TMTC2: variants seen among roughly 807,000 people sequenced by gnomAD.
TMTC2 encodes the protein transmembrane O-mannosyltransferase targeting cadherins 2.
A neutral mutation model predicts 82.4 loss-of-function variants in TMTC2; 43 were observed. That is an observed-to-expected ratio of 0.52 (90% CI 0.41 to 0.67). The LOEUF (loss-of-function observed/expected upper bound fraction) is 0.67, where lower values mean the gene tolerates loss of function less well. Ranked by LOEUF, TMTC2 falls within the 30% of genes least tolerant of loss-of-function variation. TMTC2 has a pLI of 0.00. For missense variants in TMTC2, 919 were observed against 1,012.4 expected, an observed-to-expected ratio of 0.91 and a Z score of 1.25; for synonymous variants, 408 against 381.9, an observed-to-expected ratio of 1.07 and a Z score of -0.80.
At chr12:82,907,391 A>G (rs929626108) in intron 3 of TMTC2, among the ~76,000 whole-genome samples, 1 of 151,888 alleles carries the variant, frequency 6.6e-6, no homozygotes, top group African/African-American at 2.4e-5. Flanking sequence ...TGAGCCGGGC[A>G]GGTGGAGGTT....
intron 8 of TMTC2, among the ~76,000 whole-genome samples, chr12:83,019,926 G>T (rs1177166420): frequency 3.9e-5 from 6 of 152,016 alleles, no homozygotes; most frequent in Non-Finnish European, 5.9e-5. Context: ...TTTTTGTATG[G>T]TTCGCCTTCA....
At chr12:83,087,964 T>C (rs1192161550) in intron 11 of TMTC2, among the ~76,000 whole-genome samples, 1 of 152,206 alleles carries the variant, frequency 6.6e-6, no homozygotes, top group Non-Finnish European at 1.5e-5. Flanking sequence ...TCTCTGGCTA[T>C]GAAAGTCCTA....
At chr12:83,058,325 ACCCTG>A (rs1882618681) in intron 10 of TMTC2, among the ~76,000 whole-genome samples, 1 of 151,834 alleles carries the variant, frequency 6.6e-6, no homozygotes, top group Non-Finnish European at 1.5e-5. Context: ...AAAACAAAAA[ACCCTG>A]AATCTAAAGA....
chr12:82,887,877 C>A (rs936459126), intron 2 of TMTC2, among the ~76,000 whole-genome samples: 1 of 151,942 alleles, frequency 6.6e-6, no homozygotes, highest in African/African-American at 2.4e-5. Flanking sequence ...GTTGGGAGTT[C>A]GAGACCAGCC....
rs1283241628 is a variant in TMTC2, at chr12:82,736,057, G to A, written c.83+48388G>A. ...TGCTCCGGAGATGAATGCCTCCCTC[G>A]CCTTATCCTACTCTTGCCCTGGTTG... On this transcript the variant is annotated intron_variant, in intron 1 of 11. Coordinates refer to ENST00000321196, the MANE Select transcript of TMTC2 (RefSeq NM_152588.3). Among the ~76,000 whole-genome samples, 7 of 151,870 alleles carry A rather than the reference G, an allele frequency of 4.6e-5. No individual in the cohort carries two copies. In the East Asian group the frequency reaches 1.2e-3, roughly 25 times the overall value.
intron 11 of TMTC2, among the ~76,000 whole-genome samples, chr12:83,064,913 G>A (rs887281834): frequency 2.0e-5 from 3 of 151,886 alleles, no homozygotes; most frequent in African/African-American, 7.2e-5. Context: ...ATAGCATAGC[G>A]AACAGACTTC....
intron 6 of TMTC2, among the ~76,000 whole-genome samples, chr12:82,966,692 G>A (rs1387776726): frequency 1.3e-5 from 2 of 152,116 alleles, no homozygotes; most frequent in South Asian, 2.1e-4. Context: ...GCCAACATTC[G>A]ATGCCTCGTT....
intron 1 of TMTC2, among the ~76,000 whole-genome samples, chr12:82,740,762 C>T (rs1006076619): frequency 7.9e-5 from 12 of 152,154 alleles, no homozygotes; most frequent in African/African-American, 1.2e-4. Flanking sequence ...GGCTCCATAC[C>T]GGCTCTTCTT....
In TMTC2 at chr12:83,101,051, C is replaced by T. The variant is rs187358248; in HGVS notation, c.2332-31159C>T. On this transcript the variant is annotated intron_variant, in intron 11 of 11. Transcript: ENST00000321196. ...TGATCACATTTTAAATGTCTTCACTCAATAGAACTTGATAAATGAGAAATA... is the reference window on the plus strand; with the variant it reads ...TGATCACATTTTAAATGTCTTCACTTAATAGAACTTGATAAATGAGAAATA... 8.5e-5 allele frequency among the ~76,000 whole-genome samples: 13 copies of T among 152,228 alleles called. No homozygotes were observed. In the East Asian group the frequency reaches 2.5e-3, roughly 29 times the overall value.
At chr12:82,947,264 C>G (rs1414214902) in intron 4 of TMTC2, among the ~76,000 whole-genome samples, 1 of 151,778 alleles carries the variant, frequency 6.6e-6, no homozygotes, top group East Asian at 1.9e-4. Flanking sequence ...GTGTTAGGTG[C>G]AAACCTGGGC....
intron 1 of TMTC2, among the ~76,000 whole-genome samples, chr12:82,804,754 G>A (rs1879165000): frequency 6.6e-6 from 1 of 152,048 alleles, no homozygotes; most frequent in South Asian, 2.1e-4. Flanking sequence ...GTAGCACTCA[G>A]TTTTCATAAG....
intron 7 of TMTC2, among the ~76,000 whole-genome samples, chr12:82,981,130 A>G (rs1878896495): frequency 6.6e-6 from 1 of 151,890 alleles, no homozygotes; most frequent in Non-Finnish European, 1.5e-5. Flanking sequence ...GAAGGCATTT[A>G]ACAATTACTG....
chr12:82,845,648 G>A (rs951149175), intron 1 of TMTC2, among the ~76,000 whole-genome samples: 8 of 151,960 alleles, frequency 5.3e-5, no homozygotes, highest in Non-Finnish European at 2.9e-5. Flanking sequence ...GTTCTGATAT[G>A]GATATAGTGA....
intron 9 of TMTC2, among the ~76,000 whole-genome samples, chr12:83,039,383 A>G (rs780165132): frequency 1.3e-4 from 20 of 152,164 alleles, no homozygotes; most frequent in Non-Finnish European, 2.6e-4. Context: ...GATCACTTGC[A>G]TGGAGTCTAT....
intron 4 of TMTC2, among the ~76,000 whole-genome samples, chr12:82,936,527 G>T (rs966500523): frequency 6.6e-6 from 1 of 152,018 alleles, no homozygotes; most frequent in Non-Finnish European, 1.5e-5. Flanking sequence ...ACATATTAAA[G>T]ATTTAAACAC....
At chr12:82,992,658 T>C (rs972955954) in intron 8 of TMTC2, among the ~76,000 whole-genome samples, 1 of 152,202 alleles carries the variant, frequency 6.6e-6, no homozygotes, top group Admixed American at 6.5e-5. Context: ...ATTTTTACTC[T>C]GAAGCATAAT....
intron 8 of TMTC2, among the ~76,000 whole-genome samples, chr12:83,016,793 A>T (rs568278474): frequency 6.6e-6 from 1 of 152,332 alleles, no homozygotes; most frequent in East Asian, 1.9e-4. Flanking sequence ...CTGCCAAATC[A>T]AGCTTCTGTA....
rs1565869674 is a variant in TMTC2, at chr12:83,051,023, G to GC, written c.2267+5_2267+6insC. 1 of 1,599,266 alleles carries GC rather than the reference G, an allele frequency of 6.3e-7. No homozygotes were observed. Among genetic ancestry groups the GC allele is most frequent in the Admixed American group, 1.7e-5 (1 of 57,876 alleles). ...CAATGCTGCCCACATGCTCAGGTTA[G>GC]TTTTTTTGCTGCTGTGCCTCAAAGC... On this transcript the variant is annotated splice_donor_region_variant and intron_variant, in intron 10 of 11. Coordinates refer to ENST00000321196, the MANE Select transcript of TMTC2 (RefSeq NM_152588.3).
At chr12:82,893,737 CATATCACCATAAAGTGAGAAGGGAACCCT>C (rs1239392337) in intron 2 of TMTC2, among the ~76,000 whole-genome samples, 3 of 151,826 alleles carry the variant, frequency 2.0e-5, no homozygotes. Context: ...TAAAAATGGA[CATATCACCATAAAGTGAGAAGGGAACCCT>C]AAATGAATTA....
Sources: gnomAD v4.1 joint callset for allele counts (sites outside exome capture counted in the v4.1 genomes callset) on GRCh38, gnomAD v4.1.1 for gene constraint, MANE v1.5 for transcripts, NCBI Gene and HGNC (gene_info 2026-07-23, HGNC 2026-07-21) for gene names.